Variants in RICTOR observed in about 807,000 individuals in gnomAD.
The protein encoded by RICTOR is rapamycin-insensitive companion of mTOR.
In RICTOR, 49 loss-of-function variants were observed where a neutral mutation model predicts 214.9. The observed-to-expected ratio is 0.23, with a 90% CI of 0.18 to 0.29. RICTOR has a LOEUF of 0.29. RICTOR is among the 10% of genes least tolerant of loss of function. The pLI is 1.00. For missense variants in RICTOR, 1,625 were observed against 2,047.0 expected (o/e 0.79, Z 3.98); for synonymous variants, 717 against 711.3 (o/e 1.01, Z -0.13).
chr5:39,008,239 C>A (rs1349151021), intron 3 of RICTOR, among the ~76,000 whole-genome samples: 5 of 151,962 alleles, frequency 3.3e-5, no homozygotes, highest in Non-Finnish European at 7.4e-5. Context: ...TTAACAACAA[C>A]TCCTCTGCGT....
chr5:38,958,407 C>CA, intron 24 of RICTOR, 36 bp downstream of exon 24: 3 of 1,400,112 alleles, frequency 2.1e-6, no homozygotes, highest in Non-Finnish European at 3.0e-6. Context: ...AAGAACACAA[C>CA]AAAAAAACAT....
chr5:39,027,000 C>A (rs1175137154), intron 2 of RICTOR, among the ~76,000 whole-genome samples: 5 of 151,898 alleles, frequency 3.3e-5, no homozygotes, highest in Admixed American at 6.6e-5. Context: ...AAGAGCAAAA[C>A]CCCATCTCAA....
chr5:38,950,806 T>G (rs1748711194), intron 30 of RICTOR, 86 bp from the exon 31 acceptor site: 1 of 1,223,300 alleles, frequency 8.2e-7, no homozygotes, highest in Non-Finnish European at 1.1e-6. Flanking sequence ...TCAGGAAATT[T>G]TTTTTTAGTC....
At chr5:38,996,499 G>A (rs979594179) in intron 6 of RICTOR, among the ~76,000 whole-genome samples, 26 of 152,134 alleles carry the variant, frequency 1.7e-4, no homozygotes, top group African/African-American at 6.3e-4. Flanking sequence ...AATCAGGATG[G>A]GGAGCAAGTA....
intron 2 of RICTOR, among the ~76,000 whole-genome samples, chr5:39,055,417 T>TCCCC (rs34660388): frequency 2.6e-4 from 29 of 109,562 alleles, no homozygotes; most frequent in African/African-American, 1.0e-3. Flanking sequence ...CTCTGACAAT[T>TCCCC]CCCCCCCCCC....
chr5:39,058,870 A>G (rs1320002875), intron 2 of RICTOR, among the ~76,000 whole-genome samples: 1 of 152,154 alleles, frequency 6.6e-6, no homozygotes, highest in Non-Finnish European at 1.5e-5. Context: ...TGAAGTCTTT[A>G]TAAATAATTT....
At chr5:39,002,964 T>A (rs1753753153) in intron 4 of RICTOR, among the ~76,000 whole-genome samples, 1 of 152,148 alleles carries the variant, frequency 6.6e-6, no homozygotes, top group African/African-American at 2.4e-5. Context: ...CTTTGTTTTA[T>A]ATAAACAATG....
In RICTOR at chr5:38,991,007, A is replaced by C; in HGVS notation, c.525T>G (p.Asp175Glu). ...CCATTCTGTCTCTTTCTTGAAGTCC[A>C]TCATTTCCAACTGCAATTAATGAGT... ...VTNSLIAVGN[D>E]GLQERDRMVR... The change falls in exon 7 of 38, where the codon GAT (aspartate) becomes GAG (glutamate). Residue 175 changes from aspartate (D) to glutamate (E), a missense_variant. By Grantham distance (45) the Asp-to-Glu change is conservative (BLOSUM62 2). Around this residue, in one of 5 missense-constraint regions of RICTOR, gnomAD observed 258 missense variants for 393.7 expected, o/e 0.66. Coordinates refer to ENST00000357387, the MANE Select transcript of RICTOR (RefSeq NM_152756.5). The C allele has an allele frequency of 6.2e-7, 1 of 1,606,676 alleles. No individual in the cohort carries two copies. Among genetic ancestry groups the C allele is most frequent in the Non-Finnish European group, 8.5e-7 (1 of 1,175,340 alleles).
At chr5:38,950,813 A>T in intron 30 of RICTOR, 93 bp from the exon 31 acceptor site, 1 of 1,027,342 alleles carries the variant, frequency 9.7e-7, no homozygotes, top group Non-Finnish European at 1.4e-6. Flanking sequence ...ATTTTTTTTT[A>T]GTCATCTAGA....
intron 3 of RICTOR, among the ~76,000 whole-genome samples, chr5:39,012,455 G>A (rs1027007051): frequency 6.6e-6 from 1 of 152,068 alleles, no homozygotes; most frequent in Admixed American, 6.5e-5. Context: ...TATGAGAATG[G>A]ACTAATATAC....
intron 2 of RICTOR, among the ~76,000 whole-genome samples, chr5:39,031,996 T>G (rs539311201): frequency 2.0e-4 from 30 of 152,298 alleles, no homozygotes; most frequent in Admixed American, 9.8e-4. Context: ...AATCTAACAT[T>G]TCCTGAAATT....
chr5:39,052,603 C>T (rs1431704786), intron 2 of RICTOR, among the ~76,000 whole-genome samples: 1 of 152,116 alleles, frequency 6.6e-6, no homozygotes, highest in African/African-American at 2.4e-5. Context: ...AATAAGGTTT[C>T]CCATAATTTG....
intron 2 of RICTOR, among the ~76,000 whole-genome samples, chr5:39,024,014 C>A (rs1159250076): frequency 6.6e-6 from 1 of 152,012 alleles, no homozygotes; most frequent in African/African-American, 2.4e-5. Flanking sequence ...TTCCATGGAC[C>A]CGGGGTGGGG....
chr5:39,000,452 GAAC>G (rs1753528459), intron 5 of RICTOR, among the ~76,000 whole-genome samples: 1 of 151,770 alleles, frequency 6.6e-6, no homozygotes. Flanking sequence ...CATATAAAGA[GAAC>G]AATATATCAC....
intron 2 of RICTOR, among the ~76,000 whole-genome samples, chr5:39,073,844 C>T (rs1356774980): frequency 6.6e-6 from 1 of 152,152 alleles, no homozygotes; most frequent in Non-Finnish European, 1.5e-5. Flanking sequence ...CCGGGTCTGC[C>T]GAGTTCCACT....
intron 3 of RICTOR, among the ~76,000 whole-genome samples, chr5:39,020,271 C>T (rs1755308531): frequency 6.6e-6 from 1 of 151,704 alleles, no homozygotes; most frequent in South Asian, 2.1e-4. Context: ...GGACTAACTC[C>T]AATTTTGAAA....
At chr5:39,036,472 A>G (rs1267463594) in intron 2 of RICTOR, among the ~76,000 whole-genome samples, 3 of 152,222 alleles carry the variant, frequency 2.0e-5, no homozygotes, top group Admixed American at 6.5e-5. Flanking sequence ...AACAATATTA[A>G]CCTTAAATGT....
At chr5:38,994,680 G>C (rs1753048391) in intron 6 of RICTOR, among the ~76,000 whole-genome samples, 2 of 152,056 alleles carry the variant, frequency 1.3e-5, no homozygotes, top group Non-Finnish European at 2.9e-5. Context: ...CATCTCAGAA[G>C]ACAATCAAAT....
In RICTOR at chr5:39,074,226, C is replaced by G. The variant is rs1759549694; in HGVS notation, c.50-68G>C. The G allele has an allele frequency of 4.4e-6, 7 of 1,575,992 alleles. No individual in the cohort carries two copies. In the South Asian group the frequency reaches 6.8e-5, roughly 15 times the overall value. On this transcript the variant is annotated intron_variant, in intron 1 of 37. Transcript: ENST00000357387. ...AGGCCAGCTGCGGCTGCCCTGGCTC[C>G]GGCCAGCGCCCCGGCTCGCTCCCCA...
Sources: gnomAD v4.1 joint callset for allele counts (sites outside exome capture counted in the v4.1 genomes callset) on GRCh38, gnomAD v4.1.1 for gene constraint, gnomAD v4.1.1 regional missense constraint, MANE v1.5 for transcripts, NCBI Gene and HGNC (gene_info 2026-07-23, HGNC 2026-07-21) for gene names.